IKZF1: variants seen among roughly 807,000 people sequenced by gnomAD.
IKZF1 encodes DNA-binding protein Ikaros.
IKZF1 carries 10 observed loss-of-function variants against 51.7 expected under a neutral mutation model. The ratio of observed to expected loss-of-function variants is 0.19; its 90% CI spans 0.12 to 0.33. IKZF1 has a LOEUF of 0.33. Among genes scored for constraint, IKZF1 ranks in the 10% least tolerant of loss-of-function variants. The pLI, the probability that IKZF1 is intolerant of heterozygous loss-of-function variation, is 1.00. For missense variants in IKZF1, 484 were observed against 707.5 expected, an observed-to-expected ratio of 0.68 and a Z score of 3.58; for synonymous variants, 280 against 282.3, an observed-to-expected ratio of 0.99 and a Z score of 0.08.
chr7:50,311,681 G>C (rs1029512863), intron 1 of IKZF1, among the ~76,000 whole-genome samples: 1 of 152,102 alleles, frequency 6.6e-6, no homozygotes, highest in East Asian at 1.9e-4. Context: ...GAAATGTTAC[G>C]GGTATACAAG....
intron 1 of IKZF1, chr7:50,308,922 T>C (rs1789462643): frequency 6.6e-6 from 1 of 152,334 alleles, no homozygotes; most frequent in Non-Finnish European, 1.5e-5. Context: ...TGCCACACGG[T>C]TTCTTTGTGT....
In IKZF1 at chr7:50,352,353, A is replaced by G. The variant is rs146284940; in HGVS notation, c.161-24180A>G. 1.1e-3 allele frequency among the ~76,000 whole-genome samples: 175 copies of G among 152,314 alleles called. 1 individual carries two copies. The highest frequency in any genetic ancestry group is 3.9e-3 in the African/African-American group (161 of 41,544). ...CTGCTGGGAATTACAATAAGAAAGA[A>G]CCATTTAATCATTTTTACAACTGTG... On this transcript the variant is annotated intron_variant, in intron 3 of 7. Transcript: ENST00000331340.
intron 3 of IKZF1, among the ~76,000 whole-genome samples, chr7:50,345,359 G>A (rs1382377485): frequency 6.6e-6 from 1 of 152,150 alleles, no homozygotes; most frequent in Non-Finnish European, 1.5e-5. Flanking sequence ...ACAAGATATT[G>A]GACTAGAGAT....
intron 3 of IKZF1, among the ~76,000 whole-genome samples, chr7:50,332,124 G>A (rs1248735623): frequency 1.3e-5 from 2 of 152,166 alleles, no homozygotes; most frequent in African/African-American, 4.8e-5. Flanking sequence ...TGCTAGAGAA[G>A]TAAAAAAATG....
At chr7:50,327,333 G>A (rs1424208985) in intron 2 of IKZF1, 1 of 206,452 alleles carries the variant, frequency 4.8e-6, no homozygotes, top group African/African-American at 2.3e-5. Context: ...AGTTCATTTT[G>A]AAAAACAAAA....
chr7:50,369,362 T>C (rs1807959254), intron 3 of IKZF1: 3 of 394,706 alleles, frequency 7.6e-6, no homozygotes, highest in Non-Finnish European at 1.3e-5. Flanking sequence ...AGTGAAGCCT[T>C]CAGTCTGTAA....
At chr7:50,335,874 C>T (rs1377210188) in intron 3 of IKZF1, among the ~76,000 whole-genome samples, 2 of 152,036 alleles carry the variant, frequency 1.3e-5, no homozygotes, top group East Asian at 1.9e-4. Flanking sequence ...CTATTGATTC[C>T]TAGCTGTTGG....
At position 50,400,713 on chromosome 7, in the gene IKZF1, A is replaced by G. The variant is rs1817963024; in HGVS notation, c.*86A>G. On this transcript the variant is annotated 3_prime_UTR_variant, in exon 8 of 8. Coordinates refer to ENST00000331340, the MANE Select transcript of IKZF1 (RefSeq NM_006060.6). This position sits in a 1 kb window ranked among gnomAD's most constrained non-coding sequence, Gnocchi z 5.4. ...GCCTTCTCGCTCCCGCCAGCAGCAT[A>G]GACTGGACTGGACCAGACAATGTTG... The G allele has an allele frequency of 2.8e-6, 4 of 1,445,554 alleles. No individual in the cohort carries two copies. Among genetic ancestry groups the G allele is most frequent in the African/African-American group, 1.4e-5 (1 of 70,966 alleles). 89.5% of individuals were successfully genotyped at this position (1,445,554 alleles called of 1,614,324 possible). A position where few individuals can be genotyped will look rare whatever the true frequency, so the allele number is the denominator to read the frequency against.
At chr7:50,337,503 TGCCCTGCCTTATA>T (rs1798071202) in intron 3 of IKZF1, among the ~76,000 whole-genome samples, 1 of 152,182 alleles carries the variant, frequency 6.6e-6, no homozygotes, top group African/African-American at 2.4e-5. Flanking sequence ...TGTTGCTCCT[TGCCCTGCCTTATA>T]GCAGCAACGT....
chr7:50,378,299 C>A (rs1429090377), intron 4 of IKZF1, among the ~76,000 whole-genome samples: 1 of 152,094 alleles, frequency 6.6e-6, no homozygotes, highest in Non-Finnish European at 1.5e-5. Context: ...CCCCTTTATC[C>A]TCAAATTACC....
chr7:50,382,733 G>T (rs371645444), intron 5 of IKZF1, 26 bp downstream of exon 5: 51 of 1,588,800 alleles, frequency 3.2e-5, no homozygotes, highest in Admixed American at 2.0e-4. Flanking sequence ...GCAGTCCGGG[G>T]CTGTCTGGGT....
chr7:50,314,894 G>A (rs1441857186), intron 1 of IKZF1, among the ~76,000 whole-genome samples: 1 of 152,224 alleles, frequency 6.6e-6, no homozygotes, highest in Non-Finnish European at 1.5e-5. Context: ...TTCTCCCCAG[G>A]GGACAGCCAG....
In IKZF1 at chr7:50,397,661, C is replaced by G. The variant is rs143640432; in HGVS notation, c.851-2257C>G. ...TACAAACTAGAATGGATTCATTCTTCTCTGGAGTTAGTGTAACAAGACATT... is the reference window on the plus strand; with the variant it reads ...TACAAACTAGAATGGATTCATTCTTGTCTGGAGTTAGTGTAACAAGACATT... On this transcript the variant is annotated intron_variant, in intron 7 of 7. Transcript: ENST00000331340. 1.2e-3 allele frequency among the ~76,000 whole-genome samples: 179 copies of G among 152,330 alleles called. 1 individual carries two copies. Among genetic ancestry groups the G allele is most frequent in the African/African-American group, 4.1e-3 (172 of 41,564 alleles).
chr7:50,327,857 G>A (rs971896120), intron 3 of IKZF1, 100 bp downstream of exon 3: 2 of 1,319,982 alleles, frequency 1.5e-6, no homozygotes, highest in East Asian at 2.6e-5. Flanking sequence ...TATCCATTGT[G>A]TTCCCTCAAC....
intron 3 of IKZF1, among the ~76,000 whole-genome samples, chr7:50,366,677 T>C (rs575173759): frequency 7.9e-5 from 12 of 152,332 alleles, no homozygotes; most frequent in African/African-American, 2.9e-4. Flanking sequence ...CTATCACCCA[T>C]TGTAATGTTC....
chr7:50,388,939 G>A (rs928208844), intron 6 of IKZF1, among the ~76,000 whole-genome samples: 1 of 152,100 alleles, frequency 6.6e-6, no homozygotes, highest in East Asian at 1.9e-4. Context: ...ATAATACCAA[G>A]CCCTATTGAA....
chr7:50,330,521 C>T (rs907464110), intron 3 of IKZF1, among the ~76,000 whole-genome samples: 1 of 152,112 alleles, frequency 6.6e-6, no homozygotes, highest in Non-Finnish European at 1.5e-5. Context: ...TTCCACAAGA[C>T]CGAAGTGCCC....
At chr7:50,316,700 A>G (rs1028367020) in intron 1 of IKZF1, among the ~76,000 whole-genome samples, 4 of 152,242 alleles carry the variant, frequency 2.6e-5, no homozygotes, top group Non-Finnish European at 5.9e-5. Context: ...CTGTTCTCAC[A>G]TCTCACCGCC....
At chr7:50,351,554 A>G (rs536806246) in intron 3 of IKZF1, among the ~76,000 whole-genome samples, 151 of 152,336 alleles carry the variant, frequency 9.9e-4, no homozygotes, top group African/African-American at 3.5e-3. Flanking sequence ...CTTTGCTCAG[A>G]AATGGATATG....
Sources: allele counts gnomAD v4.1 joint callset (sites outside exome capture counted in the v4.1 genomes callset), GRCh38; gene constraint gnomAD v4.1.1; non-coding constraint Gnocchi (gnomAD v3.1); transcripts MANE v1.5; gene names NCBI Gene and HGNC (gene_info 2026-07-23, HGNC 2026-07-21).